Variants in ASCL5 observed in about 807,000 individuals in gnomAD.
The protein encoded by ASCL5 is achaete-scute family bHLH transcription factor 5, also known as achaete-scute homolog 5.
For missense variants in ASCL5, 262 were observed against 268.9 expected, an observed-to-expected ratio of 0.97 and a Z score of 0.18; for synonymous variants, 124 against 131.5, an observed-to-expected ratio of 0.94 and a Z score of 0.39.
chr1:201,115,067 G>A lies in ASCL5; in HGVS notation c.306C>T (p.Gly102=). 4.1e-6 allele frequency: 5 copies of A among 1,232,054 alleles called. No homozygotes were observed. Among genetic ancestry groups the A allele is most frequent in the Non-Finnish European group, 5.1e-6 (5 of 988,252 alleles). 76.3% of individuals were successfully genotyped at this position (1,232,054 alleles called of 1,614,324 possible). A position where few individuals can be genotyped will look rare whatever the true frequency, so the allele number is the denominator to read the frequency against. The change falls in exon 2 of 2, where the codon GGC becomes GGT. Residue 102 remains glycine (G), a synonymous_variant. Coordinates refer to ENST00000449188, the MANE Select transcript of ASCL5 (RefSeq NM_001270601.2). Reference sequence around the variant, plus strand: ...GGAGGTGGCCGCGGAGGCGAGCGTAGCCCTCGTTGACGCACTTGACTCGCT... The same window carrying A: ...GGAGGTGGCCGCGGAGGCGAGCGTAACCCTCGTTGACGCACTTGACTCGCT... ...ERQRVKCVNE[G]YARLRGHLPG...
chr1:201,126,283 G>T (rs1001379310), intron 1 of ASCL5, among the ~76,000 whole-genome samples: 1 of 152,000 alleles, frequency 6.6e-6, no homozygotes, highest in African/African-American at 2.4e-5. Flanking sequence ...ACACCACCAT[G>T]CTGGGTTGTT....
chr1:201,124,161 A>T (rs1427974850), intron 1 of ASCL5, among the ~76,000 whole-genome samples: 1 of 152,258 alleles, frequency 6.6e-6, no homozygotes, highest in East Asian at 1.9e-4. Flanking sequence ...GACACAGTGA[A>T]GTCATGGTCA....
At chr1:201,121,367 G>A (rs558120233) in intron 1 of ASCL5, among the ~76,000 whole-genome samples, 2 of 152,312 alleles carry the variant, frequency 1.3e-5, no homozygotes, top group Middle Eastern at 6.8e-3. Flanking sequence ...AGCACTTTCG[G>A]AGGCCGAGGT....
chr1:201,120,599 G>A (rs1485233359), intron 1 of ASCL5, among the ~76,000 whole-genome samples: 1 of 152,222 alleles, frequency 6.6e-6, no homozygotes, highest in Non-Finnish European at 1.5e-5. Context: ...TCAGTTAAGT[G>A]TTTGTTGATT....
Position 201,115,198 on chromosome 1 carries a change from C to T in ASCL5, c.175G>A (p.Ala59Thr). 1 of 1,231,570 alleles carries T rather than the reference C, an allele frequency of 8.1e-7. No homozygotes were observed. The highest frequency in any genetic ancestry group is 1.0e-6 in the Non-Finnish European group (1 of 987,902). 76.3% of individuals were successfully genotyped at this position (1,231,570 alleles called of 1,614,324 possible). ...ACGTAGGGGAACACCCCCGCATAGG[C>T]GTCGTAGTAGGGCGGCTCTGCTGGG... ...PGPAEPPYYD[A>T]YAGVFPYVPF... Residue 59 changes from alanine (A) to threonine (T), a missense_variant, in exon 2 of 2, where the codon GCC becomes ACC. By Grantham distance (58) the Ala-to-Thr change is moderately conservative. Coordinates refer to ENST00000449188, the MANE Select transcript of ASCL5 (RefSeq NM_001270601.2).
At chr1:201,116,076 A>G (rs1259584913) in intron 1 of ASCL5, among the ~76,000 whole-genome samples, 199 bp from the exon 2 acceptor site, 1 of 152,254 alleles carries the variant, frequency 6.6e-6, no homozygotes, top group African/African-American at 2.4e-5. Context: ...CGTGGTTTCC[A>G]TAACGGAAGG....
Position 201,114,851 on chromosome 1 carries a change from G to A in ASCL5, c.522C>T (p.Asp174=). 8.1e-7 allele frequency: 1 copy of A among 1,228,824 alleles called. No homozygotes were observed. The highest frequency in any genetic ancestry group is 1.0e-6 in the Non-Finnish European group (1 of 986,058). The allele number at this position is 1,228,824 out of a possible 1,614,324, so 76.1% of individuals were successfully genotyped here. A position where few individuals can be genotyped will look rare whatever the true frequency, so the allele number is the denominator to read the frequency against. Residue 174 remains aspartate (D), a synonymous_variant, in exon 2 of 2, where the codon GAC becomes GAT. Coordinates refer to ENST00000449188, the MANE Select transcript of ASCL5 (RefSeq NM_001270601.2). ...PATPRPDRPG[D]GEARAPSSLV... is the part of the protein sequence containing the mutation. ...GGGAGGAGGGCGCCCGGGCCTCGCC[G>A]TCGCCAGGGCGGTCGGGACGGGGGG...
At chr1:201,123,911 G>A (rs193130688) in intron 1 of ASCL5, among the ~76,000 whole-genome samples, 3 of 152,302 alleles carry the variant, frequency 2.0e-5, no homozygotes, top group Admixed American at 2.0e-4. Flanking sequence ...CTCATTGGGG[G>A]TGGGTTTTGG....
intron 1 of ASCL5, among the ~76,000 whole-genome samples, chr1:201,122,213 C>T (rs1050954831): frequency 6.6e-6 from 1 of 152,198 alleles, no homozygotes; most frequent in African/African-American, 2.4e-5. Flanking sequence ...TAGCCCCTCA[C>T]GCTGCCCTCC....
Position 201,124,885 on chromosome 1 carries a change from T to A in ASCL5, c.-506+2199A>T, listed in dbSNP as rs35400505. On this transcript the variant is annotated intron_variant, in intron 1 of 1. Transcript: ENST00000449188. Reference sequence around the variant, plus strand: ...TGGCCAGGGTAGACCATGGCCCTGGTTCTCCACTGCCCCCACCCCAGTTTC... The same window carrying A: ...TGGCCAGGGTAGACCATGGCCCTGGATCTCCACTGCCCCCACCCCAGTTTC... 7.2e-3 allele frequency among the ~76,000 whole-genome samples: 1,089 copies of A among 152,192 alleles called. 8 individuals are homozygous for A. Among genetic ancestry groups the A allele is most frequent in the Non-Finnish European group, 0.012 (806 of 67,998 alleles).
At chr1:201,122,145 T>C (rs1320092021) in intron 1 of ASCL5, among the ~76,000 whole-genome samples, 1 of 152,156 alleles carries the variant, frequency 6.6e-6, no homozygotes, top group African/African-American at 2.4e-5. Context: ...CCAGCCCCAC[T>C]TGCCCCCTTA....
At chr1:201,118,542 A>G (rs1424425869) in intron 1 of ASCL5, among the ~76,000 whole-genome samples, 1 of 152,044 alleles carries the variant, frequency 6.6e-6, no homozygotes, top group Non-Finnish European at 1.5e-5. Flanking sequence ...ATAGGGGGGT[A>G]CACAGCTGCA....
chr1:201,125,991 T>A (rs1663572172), intron 1 of ASCL5, among the ~76,000 whole-genome samples: 1 of 152,140 alleles, frequency 6.6e-6, no homozygotes, highest in Admixed American at 6.5e-5. Context: ...GCACAGGCAC[T>A]GAGTGGGAGG....
intron 1 of ASCL5, among the ~76,000 whole-genome samples, chr1:201,123,745 G>A (rs1663526349): frequency 1.3e-5 from 2 of 152,200 alleles, no homozygotes; most frequent in South Asian, 4.1e-4. Context: ...AAGGGGAGGA[G>A]GAAGAGTCTA....
At position 201,114,879 on chromosome 1, in the gene ASCL5, G is replaced by A; in HGVS notation, c.494C>T (p.Ala165Val). Residue 165 changes from alanine to valine, a missense_variant, in exon 2 of 2, where the codon GCC becomes GTC. Transcript: ENST00000449188. ...GCCAGGGCGGTCGGGACGGGGGGTG[G>A]CGGGCGGCGCGGGGCAGGGCCCGGT... ...PGTGPCPAPP[A>V]TPRPDRPGDG... is the part of the protein sequence containing the mutation. 1 of 1,228,198 alleles carries A rather than the reference G, an allele frequency of 8.1e-7. No homozygotes were observed. The highest frequency in any genetic ancestry group is 1.0e-6 in the Non-Finnish European group (1 of 985,652). The allele number at this position is 1,228,198 out of a possible 1,614,324, so 76.1% of individuals were successfully genotyped here.
chr1:201,115,455 C>A lies in ASCL5; in HGVS notation c.-83G>T. ...GTCTGCACCGTCTCCACCAGTGGGGCAAGTCACATCGCTAGCAGCAGCTCT... is the reference window on the plus strand; with the variant it reads ...GTCTGCACCGTCTCCACCAGTGGGGAAAGTCACATCGCTAGCAGCAGCTCT... On this transcript the variant is annotated 5_prime_UTR_variant, in exon 2 of 2. Coordinates refer to ENST00000449188, the MANE Select transcript of ASCL5 (RefSeq NM_001270601.2). The A allele has an allele frequency of 8.8e-7, 1 of 1,130,102 alleles. No individual in the cohort carries two copies. The highest frequency in any genetic ancestry group is 1.1e-6 in the Non-Finnish European group (1 of 895,820). The allele number at this position is 1,130,102 out of a possible 1,614,324, so 70.0% of individuals were successfully genotyped here.
chr1:201,118,791 C>T (rs1663397914), intron 1 of ASCL5, among the ~76,000 whole-genome samples: 1 of 152,172 alleles, frequency 6.6e-6, no homozygotes, highest in Non-Finnish European at 1.5e-5. Flanking sequence ...ATGCTAAGAG[C>T]CTGATGTGAA....
chr1:201,122,085 G>A (rs1033788264), intron 1 of ASCL5, among the ~76,000 whole-genome samples: 1 of 152,210 alleles, frequency 6.6e-6, no homozygotes, highest in African/African-American at 2.4e-5. Flanking sequence ...ACCTTGCTGG[G>A]TTAGAAAATG....
chr1:201,124,555 G>A (rs1008513476), intron 1 of ASCL5, among the ~76,000 whole-genome samples: 23 of 142,598 alleles, frequency 1.6e-4, no homozygotes, highest in South Asian at 2.1e-4. Context: ...ATTTCATGGG[G>A]GAAAAAAAGC....
Sources: allele counts gnomAD v4.1 joint callset (sites outside exome capture counted in the v4.1 genomes callset), GRCh38; gene constraint gnomAD v4.1.1; transcripts MANE v1.5; gene names NCBI Gene and HGNC (gene_info 2026-07-23, HGNC 2026-07-21).